Variants in TAF12 observed in about 807,000 individuals in gnomAD.
TAF12 encodes the protein TATA-box binding protein associated factor 12, also known as transcription initiation factor TFIID subunit 12.
TAF12 carries 3 observed loss-of-function variants against 20.8 expected under a neutral mutation model. The ratio of observed to expected loss-of-function variants is 0.14; its 90% CI spans 0.07 to 0.37. The LOEUF (loss-of-function observed/expected upper bound fraction) is 0.37. Ranked by LOEUF, TAF12 falls within the 10% of genes least tolerant of loss-of-function variation. The pLI is 1.00. For missense variants in TAF12, 131 were observed against 197.9 expected, an observed-to-expected ratio of 0.66 and a Z score of 2.03; for synonymous variants, 69 against 70.2, an observed-to-expected ratio of 0.98 and a Z score of 0.09.
intron 1 of TAF12, among the ~76,000 whole-genome samples, chr1:28,626,944 A>G (rs1667422170): frequency 1.3e-5 from 2 of 152,166 alleles, no homozygotes; most frequent in African/African-American, 4.8e-5. Flanking sequence ...AGATCTGGAG[A>G]CAAAAAGTAT....
chr1:28,624,867 G>A (rs1667332442), intron 1 of TAF12, among the ~76,000 whole-genome samples: 2 of 152,216 alleles, frequency 1.3e-5, no homozygotes, highest in East Asian at 1.9e-4. Context: ...TAACTAGGCT[G>A]ACTTGCTGGC....
intron 3 of TAF12, among the ~76,000 whole-genome samples, chr1:28,617,501 T>A (rs182836201): frequency 7.3e-4 from 110 of 150,972 alleles, no homozygotes; most frequent in African/African-American, 2.6e-3. Context: ...TAGGCTGGAG[T>A]GCAGTGGCAT....
chr1:28,641,775 CAGAG>C (rs1407292670), intron 1 of TAF12, among the ~76,000 whole-genome samples: 4 of 131,742 alleles, frequency 3.0e-5, no homozygotes, highest in African/African-American at 1.2e-4. Context: ...GACTGGGCGA[CAGAG>C]AGAGAACCTG....
intron 1 of TAF12, among the ~76,000 whole-genome samples, chr1:28,625,125 C>A (rs1667338351): frequency 6.6e-6 from 1 of 152,218 alleles, no homozygotes; most frequent in Admixed American, 6.5e-5. Flanking sequence ...ACTGAACATA[C>A]TTTATCTCTC....
At chr1:28,642,894 T>C in intron 1 of TAF12, 98 bp downstream of exon 1, 6 of 986,134 alleles carry the variant, frequency 6.1e-6, no homozygotes, top group Non-Finnish European at 7.2e-6. Flanking sequence ...CCCCGTCTCG[T>C]CCACAACCTG....
At chr1:28,645,572 C>T (rs113520800), upstream of TAF12, among the ~76,000 whole-genome samples, 105 of 151,424 alleles carry the variant, frequency 6.9e-4, no homozygotes, top group African/African-American at 2.4e-3. Context: ...CGCTGGAACC[C>T]GGGAGGTGGA....
intron 1 of TAF12, among the ~76,000 whole-genome samples, chr1:28,639,671 T>C (rs959717852): frequency 9.2e-5 from 14 of 152,096 alleles, no homozygotes; most frequent in Non-Finnish European, 1.9e-4. Context: ...CTTTCCCTTA[T>C]AAGTTGGTAT....
chr1:28,618,844 CT>C lies in TAF12; in HGVS notation c.169-815del, dbSNP rs894906108. On this transcript the variant is annotated intron_variant, in intron 2 of 5. Coordinates refer to ENST00000373824, the MANE Select transcript of TAF12 (RefSeq NM_005644.4). ...AGGCTAAAAGCTCCCTGAGGGCAGC[CT>C]TCATAAAGGAAATGTCATGTTACAT... Among the ~76,000 whole-genome samples, 5 of 152,174 alleles carry C rather than the reference CT, an allele frequency of 3.3e-5. 1 individual carries two copies. Among genetic ancestry groups the C allele is most frequent in the South Asian group, 2.1e-4 (1 of 4,820 alleles).
At chr1:28,643,267 G>A, upstream of TAF12, 1 of 225,904 alleles carries the variant, frequency 4.4e-6, no homozygotes, top group Non-Finnish European at 7.4e-6. Flanking sequence ...CAGCATGAGC[G>A]AGCTCTGCGT....
intron 5 of TAF12, among the ~76,000 whole-genome samples, chr1:28,604,051 C>T (rs1298212541): frequency 6.6e-6 from 1 of 152,010 alleles, no homozygotes; most frequent in African/African-American, 2.4e-5. Flanking sequence ...ATTACAGGCA[C>T]GTGCCACCAC....
intron 1 of TAF12, among the ~76,000 whole-genome samples, chr1:28,629,821 T>A (rs573871539): frequency 8.3e-4 from 127 of 152,182 alleles, no homozygotes; most frequent in African/African-American, 2.4e-3. Context: ...TATTTTTTTT[T>A]AAAACACGGT....
rs146286320 is a variant in TAF12, at chr1:28,637,921, T to C, written c.-85+5071A>G. Among the ~76,000 whole-genome samples, 422 of 152,258 alleles carry C rather than the reference T, an allele frequency of 2.8e-3. 1 individual carries two copies. The highest frequency in any genetic ancestry group is 9.8e-3 in the African/African-American group (409 of 41,568). ...ATCCCAGCACTTCGGGAGGCAGATG[T>C]AGGAGGATCACTTGCTGATAGGAGT... On this transcript the variant is annotated intron_variant, in intron 1 of 5. Coordinates refer to ENST00000373824, the MANE Select transcript of TAF12 (RefSeq NM_005644.4).
exon 1 of TAF12, chr1:28,648,264 A>C: frequency 3.0e-6 from 3 of 985,210 alleles, no homozygotes; most frequent in Non-Finnish European, 3.6e-6. Context: ...GCAGTTGACA[A>C]GAAAGACCCA....
At chr1:28,628,364 CA>C (rs1054438169) in intron 1 of TAF12, among the ~76,000 whole-genome samples, 14 of 147,730 alleles carry the variant, frequency 9.5e-5, no homozygotes, top group South Asian at 2.1e-4. Context: ...GACTCTGTCT[CA>C]AAAAAAACCC....
chr1:28,629,145 A>C (rs1368253927), intron 1 of TAF12, among the ~76,000 whole-genome samples: 1 of 152,204 alleles, frequency 6.6e-6, no homozygotes, highest in Non-Finnish European at 1.5e-5. Flanking sequence ...GGCAAGATAC[A>C]TAAGAAACTG....
intron 1 of TAF12, among the ~76,000 whole-genome samples, chr1:28,639,060 C>G (rs1667942501): frequency 6.6e-6 from 1 of 151,774 alleles, no homozygotes; most frequent in Non-Finnish European, 1.5e-5. Context: ...CCGGCGTGAG[C>G]CACCACGCCC....
chr1:28,630,358 C>A (rs1260213132), intron 1 of TAF12, among the ~76,000 whole-genome samples: 1 of 152,070 alleles, frequency 6.6e-6, no homozygotes, highest in Non-Finnish European at 1.5e-5. Flanking sequence ...AGTTCGAGAC[C>A]AGCCTGACCA....
chr1:28,605,142 T>C (rs1413022911), intron 5 of TAF12, among the ~76,000 whole-genome samples: 2 of 151,926 alleles, frequency 1.3e-5, no homozygotes, highest in Non-Finnish European at 2.9e-5. Context: ...CTCAACAGAG[T>C]TACGAGAAAA....
At chr1:28,645,635 C>G (rs910399520), upstream of TAF12, among the ~76,000 whole-genome samples, 1 of 150,050 alleles carries the variant, frequency 6.7e-6, no homozygotes, top group African/African-American at 2.5e-5. Flanking sequence ...GTGACGGGAG[C>G]AAGACTCCAT....
Sources: gnomAD v4.1 joint callset for allele counts (sites outside exome capture counted in the v4.1 genomes callset) on GRCh38, gnomAD v4.1.1 for gene constraint, MANE v1.5 for transcripts, NCBI Gene and HGNC (gene_info 2026-07-23, HGNC 2026-07-21) for gene names.